The following NTN1 variants were observed in gnomAD, a reference collection of about 807,000 sequenced individuals.
NTN1 encodes netrin-1.
NTN1 carries 11 observed loss-of-function variants against 54.2 expected under a neutral mutation model. That is an observed-to-expected ratio of 0.20 (90% CI 0.13 to 0.34). NTN1 has a LOEUF of 0.34. Ranked by LOEUF, NTN1 falls within the 10% of genes least tolerant of loss-of-function variation. NTN1 has a pLI of 1.00. For missense variants in NTN1, 740 were observed against 893.1 expected (o/e 0.83, Z 2.18); for synonymous variants, 371 against 382.0 (o/e 0.97, Z 0.33).
intron 2 of NTN1, among the ~76,000 whole-genome samples, chr17:9,099,672 A>G (rs1167727172): frequency 6.6e-6 from 1 of 152,212 alleles, no homozygotes; most frequent in Non-Finnish European, 1.5e-5. Flanking sequence ...AAAGATGAAC[A>G]TATTTTAAAT....
In NTN1 at chr17:9,226,574, C is replaced by T. The variant is rs1040093857; in HGVS notation, c.1486+5332C>T. On this transcript the variant is annotated intron_variant, in intron 6 of 6. Transcript: ENST00000173229. ...CTGTCTCAGGTCACCTGGCCGCCCTCTCCTGGGGCACTCAGTCCTCTGTTA... is the reference window on the plus strand; with the variant it reads ...CTGTCTCAGGTCACCTGGCCGCCCTTTCCTGGGGCACTCAGTCCTCTGTTA... Among the ~76,000 whole-genome samples, 55 of 152,004 alleles carry T rather than the reference C, an allele frequency of 3.6e-4. 1 individual carries two copies. The highest frequency in any genetic ancestry group is 1.8e-3 in the Admixed American group (28 of 15,280).
chr17:9,098,151 C>G (rs1374989184), intron 2 of NTN1, among the ~76,000 whole-genome samples: 1 of 152,158 alleles, frequency 6.6e-6, no homozygotes, highest in Non-Finnish European at 1.5e-5. Context: ...TCGTTTACTT[C>G]CAAGTTTGCT....
At position 9,241,039 on chromosome 17, in the gene NTN1, C is replaced by G. The variant is rs1906197116; in HGVS notation, c.*1071C>G. 6.6e-6 allele frequency: 1 copy of G among 152,312 alleles called. No individual in the cohort carries two copies. The highest frequency in any genetic ancestry group is 2.4e-5 in the African/African-American group (1 of 41,460). 9.4% of individuals were successfully genotyped at this position (152,312 alleles called of 1,614,324 possible). Reference sequence around the variant, plus strand: ...AGCAATGTCAACAGCTGGAAAGGGCCTGAACGGGCTTGGAGTCTGCAGGCT... The same window carrying G: ...AGCAATGTCAACAGCTGGAAAGGGCGTGAACGGGCTTGGAGTCTGCAGGCT... On this transcript the variant is annotated 3_prime_UTR_variant, in exon 7 of 7. Coordinates refer to ENST00000173229, the MANE Select transcript of NTN1 (RefSeq NM_004822.3).
At chr17:9,105,729 G>A (rs968641277) in intron 2 of NTN1, among the ~76,000 whole-genome samples, 3 of 151,444 alleles carry the variant, frequency 2.0e-5, no homozygotes, top group Non-Finnish European at 4.4e-5. Context: ...TTGACCTCAC[G>A]CAGTTGGTAG....
intron 2 of NTN1, among the ~76,000 whole-genome samples, chr17:9,081,538 TC>T (rs2092071108): frequency 6.6e-6 from 1 of 152,118 alleles, no homozygotes. Flanking sequence ...TCACCTCTCG[TC>T]CTCCACCCCC....
Position 9,182,923 on chromosome 17 carries a change from T to C in NTN1, c.1365T>C (p.Pro455=). Residue 455 remains proline (P), a synonymous_variant, in exon 5 of 7, where the codon CCT becomes CCC. Coordinates refer to ENST00000173229, the MANE Select transcript of NTN1 (RefSeq NM_004822.3). ...GTCTTGAACCTCACAAAGAGATCCC[T>C]GTAGCGCCGCCGACGACTGCAGCCA... ...RSPIAPCIKI[P]VAPPTTAASS... 2 of 1,614,098 alleles carry C rather than the reference T, an allele frequency of 1.2e-6. No homozygotes were observed. The highest frequency in any genetic ancestry group is 8.5e-7 in the Non-Finnish European group (1 of 1,180,016).
intron 4 of NTN1, among the ~76,000 whole-genome samples, chr17:9,180,645 G>A (rs2092416153): frequency 6.6e-6 from 1 of 152,228 alleles, no homozygotes; most frequent in Admixed American, 6.5e-5. Flanking sequence ...CCTGCCCCTG[G>A]TGGGTTCAGA....
At chr17:9,201,412 G>A (rs1316339412) in intron 5 of NTN1, among the ~76,000 whole-genome samples, 1 of 152,182 alleles carries the variant, frequency 6.6e-6, no homozygotes, top group East Asian at 1.9e-4. Context: ...TTGGACCTCA[G>A]GGCTACCATA....
In NTN1 at chr17:9,145,257, C is replaced by A. The variant is rs138388567; in HGVS notation, c.1019-17556C>A. ...AATGTGGGGCGTTCACATGTGGGTT[C>A]CCTCCAACCCTGACTTGTACTAGGA... On this transcript the variant is annotated intron_variant, in intron 2 of 6. Coordinates refer to ENST00000173229, the MANE Select transcript of NTN1 (RefSeq NM_004822.3). Among the ~76,000 whole-genome samples, 203 of 152,318 alleles carry A rather than the reference C, an allele frequency of 1.3e-3. 1 individual carries two copies. The highest frequency in any genetic ancestry group is 4.6e-3 in the African/African-American group (193 of 41,558).
rs573030786 is a variant in NTN1 at position 9,131,360 on chromosome 17, CAG to C, written c.1019-31452_1019-31451del. 1.1e-3 allele frequency among the ~76,000 whole-genome samples: 169 copies of C among 152,320 alleles called. 1 individual carries two copies. The highest frequency in any genetic ancestry group is 3.8e-3 in the African/African-American group (158 of 41,566). On this transcript the variant is annotated intron_variant, in intron 2 of 6. Transcript: ENST00000173229. ...ATTGTTTCTCTTCAATCACGAGAAA[CAG>C]GGATTTTTGTCTGTTTTGTTCATTG...
chr17:9,043,328 T>C (rs548276959), intron 2 of NTN1, among the ~76,000 whole-genome samples: 1 of 152,314 alleles, frequency 6.6e-6, no homozygotes, highest in South Asian at 2.1e-4. Flanking sequence ...CTATGCTAAA[T>C]ATTTTGGATG....
chr17:9,215,370 T>A (rs182517308), intron 5 of NTN1, among the ~76,000 whole-genome samples: 103 of 152,264 alleles, frequency 6.8e-4, no homozygotes, highest in Non-Finnish European at 2.1e-4. Flanking sequence ...ATATTTGCAT[T>A]ATGTTTAAGA....
chr17:9,101,127 TGTA>T (rs1281372957), intron 2 of NTN1, among the ~76,000 whole-genome samples: 1 of 152,254 alleles, frequency 6.6e-6, no homozygotes, highest in African/African-American at 2.4e-5. Flanking sequence ...CATTTCATCT[TGTA>T]GTTATGTTTA....
At chr17:9,179,288 A>AC (rs1167456837) in intron 3 of NTN1, among the ~76,000 whole-genome samples, 3 of 151,954 alleles carry the variant, frequency 2.0e-5, no homozygotes, top group Admixed American at 6.6e-5. Context: ...TGGGGGAGCC[A>AC]CCCCTCCCTG....
At chr17:9,121,470 C>G (rs2092231571) in intron 2 of NTN1, among the ~76,000 whole-genome samples, 3 of 152,150 alleles carry the variant, frequency 2.0e-5, no homozygotes, top group Non-Finnish European at 2.9e-5. Context: ...CCACTCACCC[C>G]CGGTGCTCCT....
intron 6 of NTN1, among the ~76,000 whole-genome samples, chr17:9,227,189 C>CGCATGCACACATACCACAT (rs1227916108): frequency 6.6e-6 from 1 of 151,304 alleles, no homozygotes; most frequent in Non-Finnish European, 1.5e-5. Flanking sequence ...ATACCACACA[C>CGCATGCACACATACCACAT]GCATGCACAC....
chr17:9,231,397 C>A (rs901397655), intron 6 of NTN1, among the ~76,000 whole-genome samples: 1 of 152,238 alleles, frequency 6.6e-6, no homozygotes, highest in African/African-American at 2.4e-5. Flanking sequence ...CTCAGCTCTG[C>A]CCCCACCCTG....
intron 2 of NTN1, among the ~76,000 whole-genome samples, chr17:9,027,740 C>T (rs1299888636): frequency 6.6e-6 from 1 of 152,074 alleles, no homozygotes; most frequent in Non-Finnish European, 1.5e-5. Flanking sequence ...AGCCATCAGG[C>T]CTGCTGGGAG....
chr17:9,183,622 G>C (rs1438862367), intron 5 of NTN1: 1 of 242,122 alleles, frequency 4.1e-6, no homozygotes, highest in Non-Finnish European at 8.3e-6. Context: ...TAGACCTGCT[G>C]CTAGATCCTG....
Sources: gnomAD v4.1 joint callset for allele counts (sites outside exome capture counted in the v4.1 genomes callset) on GRCh38, gnomAD v4.1.1 for gene constraint, MANE v1.5 for transcripts, NCBI Gene and HGNC (gene_info 2026-07-23, HGNC 2026-07-21) for gene names.